Variants in ATP11A observed in about 807,000 individuals in gnomAD.
ATP11A encodes ATPase phospholipid transporting 11A.
ATP11A carries 81 observed loss-of-function variants against 154.4 expected under a neutral mutation model. That is an observed-to-expected ratio of 0.52 (90% CI 0.44 to 0.63). The LOEUF is 0.63. Ranked by LOEUF, ATP11A falls within the 30% of genes least tolerant of loss-of-function variation. The probability of loss-of-function intolerance (pLI) is 0.00; values close to 1 mark genes in which losing one functional copy is unlikely to be tolerated. For missense variants in ATP11A, 1,316 were observed against 1,474.3 expected (o/e 0.89, Z 1.76); for synonymous variants, 623 against 585.9 (o/e 1.06, Z -0.91).
At chr13:112,761,529 G>T (rs896503423) in intron 1 of ATP11A, among the ~76,000 whole-genome samples, 3 of 152,066 alleles carry the variant, frequency 2.0e-5, no homozygotes, top group Non-Finnish European at 4.4e-5. Context: ...CATAGGATTC[G>T]GTACTCTATT....
Position 112,834,626 on chromosome 13 carries a change from A to G in ATP11A, c.1597A>G (p.Met533Val), listed in dbSNP as rs780265872. 5.0e-6 allele frequency: 8 copies of G among 1,614,024 alleles called. No homozygotes were observed. The highest frequency in any genetic ancestry group is 3.3e-5 in the South Asian group (3 of 91,082). The change falls in exon 15 of 30, where the codon ATG becomes GTG. Residue 533 changes from methionine (M) to valine (V), a missense_variant. Physicochemically the swap from Met to Val is conservative, Grantham distance 21 (BLOSUM62 1). Coordinates refer to ENST00000375645, the MANE Select transcript of ATP11A (RefSeq NM_015205.3). The stretch of plus-strand genomic sequence containing the variant: ...CTACCTAAGGCTGAAGGACAATTAC[A>G]TGGAGATATTAAACAGGGAGAACCA... Reference protein sequence around the residue: ...FTYLRLKDNYMEILNRENHIE... With the variant: ...FTYLRLKDNYVEILNRENHIE...
At chr13:112,870,830 G>T (rs576463900) in intron 25 of ATP11A, among the ~76,000 whole-genome samples, 3 of 151,662 alleles carry the variant, frequency 2.0e-5, no homozygotes, top group Non-Finnish European at 3.0e-5. Flanking sequence ...TCCCCAAGGC[G>T]GGGGGTGGTC....
At position 112,859,280 on chromosome 13, in the gene ATP11A, G is replaced by T; in HGVS notation, c.2668-113G>T. The T allele has an allele frequency of 1.2e-6, 1 of 829,688 alleles. No homozygotes were observed. The highest frequency in any genetic ancestry group is 2.1e-6 in the Non-Finnish European group (1 of 469,966). 51.4% of individuals were successfully genotyped at this position (829,688 alleles called of 1,614,324 possible). A position where few individuals can be genotyped will look rare whatever the true frequency, so the allele number is the denominator to read the frequency against. On this transcript the variant is annotated intron_variant, in intron 22 of 29. Coordinates refer to ENST00000375645, the MANE Select transcript of ATP11A (RefSeq NM_015205.3). This position sits in a 1 kb window ranked among gnomAD's most constrained non-coding sequence, Gnocchi z 4.3. ...TAGAACCCATTAGTGCTGTTCTGCC[G>T]CACGCTGGGTGCACGTGGATCCCTC...
At chr13:112,880,631 G>A (rs776102070) in intron 29 of ATP11A, 38 of 1,296,416 alleles carry the variant, frequency 2.9e-5, no homozygotes, top group Middle Eastern at 2.1e-4. Flanking sequence ...CGGCCAAGGC[G>A]CAGTTAGCTC....
In ATP11A at chr13:112,810,629, AC is replaced by A; in HGVS notation, c.345del (p.Trp116GlyfsTer10). The A allele has an allele frequency of 6.2e-7, 1 of 1,613,802 alleles. No homozygotes were observed. The highest frequency in any genetic ancestry group is 8.5e-7 in the Non-Finnish European group (1 of 1,179,896). On this transcript the variant is annotated frameshift_variant, in exon 5 of 30. Coordinates refer to ENST00000375645, the MANE Select transcript of ATP11A (RefSeq NM_015205.3). LOFTEE classifies it high-confidence loss of function. ...CCTTCCTTTTTTTAGGGTTATGAAG[AC>A]TGGCTTCGACATAAAGCAGACAATG... ...TVTAIKQGYE[D>X]WLRHKADNAM...
intron 2 of ATP11A, among the ~76,000 whole-genome samples, chr13:112,790,666 A>G (rs1056614669): frequency 2.2e-5 from 3 of 137,846 alleles, no homozygotes; most frequent in African/African-American, 8.2e-5. Context: ...GACCCCTGCG[A>G]TAGACCTCCT....
intron 1 of ATP11A, among the ~76,000 whole-genome samples, chr13:112,756,703 T>C (rs1431355388): frequency 2.0e-5 from 3 of 152,196 alleles, no homozygotes; most frequent in African/African-American, 7.2e-5. Flanking sequence ...AGATGCCTCT[T>C]TGCCTTTCTT....
chr13:112,773,153 C>T (rs2077265392), intron 1 of ATP11A, among the ~76,000 whole-genome samples: 1 of 152,148 alleles, frequency 6.6e-6, no homozygotes, highest in Non-Finnish European at 1.5e-5. Context: ...CAGAGGGTGC[C>T]ATGAGGCTGT....
chr13:112,832,864 G>A lies in ATP11A; in HGVS notation c.1400G>A (p.Arg467His), dbSNP rs373245197. 4.3e-5 allele frequency: 70 copies of A among 1,612,546 alleles called. No individual in the cohort carries two copies. Among genetic ancestry groups the A allele is most frequent in the African/African-American group, 5.3e-5 (4 of 74,854 alleles). ...CTGGGAACTGCTTTTTTATAGGAGCGCGAGGAGCTGTTTTTCCGGGCCCTC... is the reference window on the plus strand; with the variant it reads ...CTGGGAACTGCTTTTTTATAGGAGCACGAGGAGCTGTTTTTCCGGGCCCTC... ...DSSPSVNGRE[R>H]EELFFRALCL... Residue 467 changes from arginine (R) to histidine (H), a missense_variant, in exon 14 of 30, where the codon CGC becomes CAC. Transcript: ENST00000375645.
At chr13:112,832,663 A>G (rs376686271) in intron 13 of ATP11A, among the ~76,000 whole-genome samples, 197 bp from the exon 14 acceptor site, 18 of 152,298 alleles carry the variant, frequency 1.2e-4, no homozygotes, top group Middle Eastern at 3.4e-3. Context: ...GTCAGTCTCA[A>G]TTACAAAACA....
chr13:112,735,523 A>G (rs1890908787), intron 1 of ATP11A, among the ~76,000 whole-genome samples: 1 of 152,236 alleles, frequency 6.6e-6, no homozygotes, highest in Non-Finnish European at 1.5e-5. Flanking sequence ...CTTAGTATGA[A>G]TTCAGTGAAA....
At chr13:112,750,896 A>G (rs1468585406) in intron 1 of ATP11A, among the ~76,000 whole-genome samples, 2 of 152,222 alleles carry the variant, frequency 1.3e-5, no homozygotes, top group Non-Finnish European at 2.9e-5. Context: ...ATTTATCATT[A>G]TCCTCTCCTT....
chr13:112,844,977 G>A (rs1349245445), intron 17 of ATP11A, among the ~76,000 whole-genome samples: 4 of 152,018 alleles, frequency 2.6e-5, no homozygotes, highest in African/African-American at 7.2e-5. Context: ...CCAAGTGCCA[G>A]GTATCAGTGG....
At chr13:112,710,206 G>A (rs992896418) in intron 1 of ATP11A, among the ~76,000 whole-genome samples, 3 of 152,200 alleles carry the variant, frequency 2.0e-5, no homozygotes, top group Admixed American at 1.3e-4. Flanking sequence ...GTGTGTGGCC[G>A]TGGTGTTTAA....
intron 25 of ATP11A, among the ~76,000 whole-genome samples, chr13:112,868,176 G>A (rs1029346623): frequency 6.6e-6 from 1 of 152,236 alleles, no homozygotes; most frequent in African/African-American, 2.4e-5. Context: ...CTCGGAACGT[G>A]CTTTGATAGA....
rs763433519 is a variant in ATP11A at position 112,857,831 on chromosome 13, T to A, written c.2432T>A (p.Ile811Asn). Reference protein sequence around the residue: ...PLQKAQIVKLIKFSKEHPITL... With the variant: ...PLQKAQIVKLNKFSKEHPITL... ...TTTCTTTTGCAGATTGTTAAATTAA[T>A]CAAATTTTCAAAAGAGCACCCAATC... is the stretch of plus-strand genomic sequence containing the variant. Residue 811 changes from isoleucine (I) to asparagine (N), a missense_variant, in exon 21 of 30, where the codon ATC becomes AAC. By Grantham distance (149) the Ile-to-Asn change is moderately radical. Transcript: ENST00000375645. 1 of 1,613,744 alleles carries A rather than the reference T, an allele frequency of 6.2e-7. No homozygotes were observed. Among genetic ancestry groups the A allele is most frequent in the African/African-American group, 1.3e-5 (1 of 74,920 alleles).
chr13:112,822,585 G>C (rs1284880029), intron 8 of ATP11A, among the ~76,000 whole-genome samples: 2 of 152,016 alleles, frequency 1.3e-5, no homozygotes, highest in Non-Finnish European at 2.9e-5. Context: ...TCTCACTGAG[G>C]ATGTAATAGA....
At chr13:112,847,754 A>G (rs1033453781) in intron 17 of ATP11A, among the ~76,000 whole-genome samples, 5 of 152,202 alleles carry the variant, frequency 3.3e-5, no homozygotes, top group Non-Finnish European at 2.9e-5. Flanking sequence ...TTGAGATTTA[A>G]TAGGAATTTT....
intron 9 of ATP11A, 138 bp from the exon 10 acceptor site, chr13:112,824,205 GC>G (rs1271100134): frequency 1.5e-6 from 1 of 669,548 alleles, no homozygotes; most frequent in Non-Finnish European, 2.7e-6. Flanking sequence ...GTGTTATGTG[GC>G]TATGGACACT....
Sources: allele counts gnomAD v4.1 joint callset (sites outside exome capture counted in the v4.1 genomes callset), GRCh38; gene constraint gnomAD v4.1.1; non-coding constraint Gnocchi (gnomAD v3.1); transcripts MANE v1.5; gene names NCBI Gene and HGNC (gene_info 2026-07-23, HGNC 2026-07-21).